The following CNIH3 variants were observed in gnomAD, a reference collection of about 807,000 sequenced individuals.
The protein encoded by CNIH3 is protein cornichon homolog 3.
In CNIH3, 14 loss-of-function variants were observed where a neutral mutation model predicts 24.1. That is an observed-to-expected ratio of 0.58 (90% CI 0.38 to 0.91). The LOEUF (loss-of-function observed/expected upper bound fraction) is 0.91. Ranked by LOEUF, CNIH3 falls within the 40% of genes least tolerant of loss-of-function variation. The pLI is 0.00. For synonymous variants in CNIH3, 68 were observed against 73.8 expected (o/e 0.92, Z 0.40); for missense variants, 178 against 196.8 (o/e 0.90, Z 0.57).
chr1:224,684,724 C>T lies in CNIH3; in HGVS notation c.151-72C>T, dbSNP rs561619282. On this transcript the variant is annotated intron_variant, in intron 2 of 5. Transcript: ENST00000272133. This position sits in a 1 kb window ranked among gnomAD's most constrained non-coding sequence, Gnocchi z 4.2. ...CTGCCTCCACTATTGGGGCTGATTG[C>T]GGGGCCTTCTCATGCTATTTTAGCA... 65 of 1,375,106 alleles carry T rather than the reference C, an allele frequency of 4.7e-5. No homozygotes were observed. Among genetic ancestry groups the T allele is most frequent in the African/African-American group, 3.5e-4 (24 of 69,562 alleles). The allele number at this position is 1,375,106 out of a possible 1,614,324, so 85.2% of individuals were successfully genotyped here.
chr1:224,653,104 T>TCTCATTTTTC (rs1684937686), intron 1 of CNIH3, among the ~76,000 whole-genome samples: 1 of 152,268 alleles, frequency 6.6e-6, no homozygotes, highest in Non-Finnish European at 1.5e-5. Context: ...AACCATTTTT[T>TCTCATTTTTC]GGCTCTCATT....
intron 4 of CNIH3, among the ~76,000 whole-genome samples, chr1:224,576,509 T>A (rs1357485908): frequency 1.3e-5 from 2 of 152,218 alleles, no homozygotes; most frequent in African/African-American, 4.8e-5. Flanking sequence ...GTAGTAGGAA[T>A]AATCTACTTA....
chr1:224,601,390 G>A (rs527923248), intron 3 of CNIH3, among the ~76,000 whole-genome samples: 3 of 152,228 alleles, frequency 2.0e-5, no homozygotes, highest in South Asian at 4.1e-4. Context: ...AGTGAATGCC[G>A]CCATTTTGCC....
At position 224,458,377 on chromosome 1, in the gene CNIH3, T is replaced by C. The variant is rs1675765568; in HGVS notation, n.203+23515T>C. ...TTATGCTTAGCAGAGGGGCTCTGGC[T>C]CACTCCCCGTCCCTCATCCTACCAG... On this transcript the variant is annotated intron_variant and non_coding_transcript_variant, in intron 1 of 5. Coordinates refer to the CNIH3 transcript ENST00000471578. This position sits in a 1 kb window ranked among gnomAD's most constrained non-coding sequence, Gnocchi z 4.3. 6.6e-6 allele frequency among the ~76,000 whole-genome samples: 1 copy of C among 152,200 alleles called. No homozygotes were observed. Among genetic ancestry groups the C allele is most frequent in the South Asian group, 2.1e-4 (1 of 4,836 alleles).
chr1:224,734,855 C>T (rs1391766264), intron 5 of CNIH3, 149 bp downstream of exon 5: 4 of 821,692 alleles, frequency 4.9e-6, no homozygotes, highest in Non-Finnish European at 7.9e-6. Flanking sequence ...CTGACTCTGG[C>T]TCAGGAGCAA....
chr1:224,468,605 T>G (rs922269572), intron 1 of CNIH3, among the ~76,000 whole-genome samples: 2 of 152,192 alleles, frequency 1.3e-5, no homozygotes, highest in Non-Finnish European at 2.9e-5. Context: ...AGGGACAATT[T>G]TATTTCTTTC....
intron 2 of CNIH3, among the ~76,000 whole-genome samples, chr1:224,533,590 AG>A (rs1253707012): frequency 6.6e-6 from 1 of 152,066 alleles, no homozygotes; most frequent in East Asian, 1.9e-4. Context: ...TGAAGCCTCG[AG>A]GGGAGAATCT....
chr1:224,499,767 A>G (rs1677578302), intron 1 of CNIH3, among the ~76,000 whole-genome samples: 1 of 152,026 alleles, frequency 6.6e-6, no homozygotes. Flanking sequence ...GGACAAAAGA[A>G]GTCTAGAGTC....
chr1:224,626,968 T>C (rs950851124), intron 1 of CNIH3, among the ~76,000 whole-genome samples: 1 of 152,182 alleles, frequency 6.6e-6, no homozygotes. Context: ...GTGGGTTGTT[T>C]GTTCTTCTCC....
Position 224,465,549 on chromosome 1 carries a change from A to G in CNIH3, n.203+30687A>G, listed in dbSNP as rs113985023. ...TGTTGTTGTCATACGTTTTACTTAC[A>G]CATTTGTTATAAACCACAGTCTATA... is the stretch of plus-strand genomic sequence containing the variant. On this transcript the variant is annotated intron_variant and non_coding_transcript_variant, in intron 1 of 5. Coordinates refer to the CNIH3 transcript ENST00000471578. 5.8e-3 allele frequency among the ~76,000 whole-genome samples: 890 copies of G among 152,312 alleles called. 5 individuals are homozygous for G. Among genetic ancestry groups the G allele is most frequent in the Non-Finnish European group, 0.01 (693 of 68,028 alleles).
intron 1 of CNIH3, among the ~76,000 whole-genome samples, chr1:224,476,896 G>A (rs988639594): frequency 6.6e-6 from 1 of 152,150 alleles, no homozygotes; most frequent in South Asian, 2.1e-4. Flanking sequence ...GAGTGTTTAG[G>A]ACATTTACAT....
chr1:224,600,190 A>AT (rs774919398), intron 3 of CNIH3, among the ~76,000 whole-genome samples: 3,021 of 134,842 alleles, frequency 0.022, 97 homozygotes, highest in African/African-American at 0.069. Flanking sequence ...TCTCATCTAC[A>AT]TTTTTTTTTT....
chr1:224,694,366 G>C (rs1379183414), intron 3 of CNIH3, among the ~76,000 whole-genome samples: 2 of 152,172 alleles, frequency 1.3e-5, no homozygotes, highest in African/African-American at 4.8e-5. Context: ...CCCTAAAACT[G>C]TCAGGGACTT....
At chr1:224,435,300 C>T (rs1185087174) in intron 1 of CNIH3, 1 of 819,712 alleles carries the variant, frequency 1.2e-6, no homozygotes, top group African/African-American at 1.9e-5. Context: ...TCACAACCTA[C>T]TTGTTTTAGG....
intron 1 of CNIH3, among the ~76,000 whole-genome samples, chr1:224,648,812 C>T (rs12130499): frequency 0.52 from 79,016 of 151,906 alleles, 21,327 homozygotes; most frequent in East Asian, 0.74. Context: ...AGTAACTATT[C>T]CTTCCTGGTA....
chr1:224,575,436 T>C lies in CNIH3; in HGVS notation n.517-7728T>C, dbSNP rs1009169488. On this transcript the variant is annotated intron_variant and non_coding_transcript_variant, in intron 4 of 5. Coordinates refer to the CNIH3 transcript ENST00000471578. ...CCCAAGTGACCTATACCGTGTTTTC[T>C]GTCTCATTTTTTTTTTTCCTTGCAA... The C allele has an allele frequency of 3.4e-6, 3 of 880,502 alleles. No homozygotes were observed. The African/African-American group carries it at 5.4e-5, about 16-fold the overall frequency. 54.5% of individuals were successfully genotyped at this position (880,502 alleles called of 1,614,324 possible).
At chr1:224,439,572 T>C (rs905415425) in intron 1 of CNIH3, among the ~76,000 whole-genome samples, 27 of 152,026 alleles carry the variant, frequency 1.8e-4, no homozygotes, top group Admixed American at 9.8e-4. Flanking sequence ...CACTCAGCTA[T>C]GGGTACAAAG....
At chr1:224,558,041 G>T (rs969420445) in intron 3 of CNIH3, among the ~76,000 whole-genome samples, 2 of 152,140 alleles carry the variant, frequency 1.3e-5, no homozygotes, top group African/African-American at 4.8e-5. Flanking sequence ...ACAACCATTC[G>T]AACTGCTCAG....
At chr1:224,646,618 C>G (rs1030005864) in intron 1 of CNIH3, among the ~76,000 whole-genome samples, 3 of 152,224 alleles carry the variant, frequency 2.0e-5, no homozygotes, top group African/African-American at 7.2e-5. Flanking sequence ...GTTACCCAAG[C>G]TGGTCTCCAA....
Sources: gnomAD v4.1 joint callset for allele counts (sites outside exome capture counted in the v4.1 genomes callset) on GRCh38, gnomAD v4.1.1 for gene constraint, Gnocchi (gnomAD v3.1) non-coding constraint, MANE v1.5 for transcripts, NCBI Gene and HGNC (gene_info 2026-07-23, HGNC 2026-07-21) for gene names.